CKS2: variants seen among roughly 807,000 people sequenced by gnomAD.
The protein encoded by CKS2 is cyclin-dependent kinases regulatory subunit 2.
Under a neutral mutation model 14.3 loss-of-function variants are expected in CKS2, and 4 were observed. That is an observed-to-expected ratio of 0.28 (90% CI 0.14 to 0.64). The LOEUF is 0.64. CKS2 is among the 30% of genes least tolerant of loss of function. The pLI, the probability that CKS2 is intolerant of heterozygous loss-of-function variation, is 0.83. For missense variants in CKS2, 71 were observed against 94.3 expected (o/e 0.75, Z 1.02); for synonymous variants, 33 against 28.7 (o/e 1.15, Z -0.48).
chr9:89,311,864 G>A (rs1824616275), intron 1 of CKS2, among the ~76,000 whole-genome samples: 1 of 152,180 alleles, frequency 6.6e-6, no homozygotes, highest in Admixed American at 6.5e-5. Flanking sequence ...TTGTGGTTTA[G>A]AATGGTCAAA....
intron 1 of CKS2, among the ~76,000 whole-genome samples, chr9:89,311,845 T>C (rs1824615990): frequency 6.6e-6 from 1 of 152,182 alleles, no homozygotes; most frequent in Non-Finnish European, 1.5e-5. Context: ...TGATGCAGCT[T>C]TTACTAGTTT....
intron 1 of CKS2, among the ~76,000 whole-genome samples, chr9:89,313,541 A>G (rs1824656654): frequency 6.6e-6 from 1 of 152,262 alleles, no homozygotes; most frequent in South Asian, 2.1e-4. Context: ...AAATACAGGT[A>G]GAATCCTCAT....
intron 1 of CKS2, among the ~76,000 whole-genome samples, chr9:89,313,915 T>C (rs1386749402): frequency 1.3e-5 from 2 of 152,252 alleles, no homozygotes; most frequent in African/African-American, 4.8e-5. Flanking sequence ...TAAGGCAATC[T>C]AACAACACAG....
intron 1 of CKS2, 85 bp downstream of exon 1, chr9:89,311,436 GTGGGGGCCGGGGCC>G (rs1482781369): frequency 1.9e-6 from 2 of 1,073,596 alleles, no homozygotes; most frequent in Admixed American, 3.4e-5. Flanking sequence ...AGGGTCGGGG[GTGGGGGCCGGGGCC>G]TGGGGGGCGG....
At chr9:89,313,372 T>C (rs2131462962) in intron 1 of CKS2, among the ~76,000 whole-genome samples, 1 of 152,348 alleles carries the variant, frequency 6.6e-6, no homozygotes, top group East Asian at 1.9e-4. Flanking sequence ...CACCCCCACA[T>C]CATGGAAGTC....
rs984625657 is a variant in CKS2 at position 89,311,338 on chromosome 9, C to T, written c.46C>T (p.His16Tyr). ...IYYSDKYFDE[H>Y]YEYRHVMLPR... The stretch of plus-strand genomic sequence containing the variant: ...CTACTCGGACAAGTACTTCGACGAA[C>T]ACTACGAGTACCGGTGGGCGCCTTT... Residue 16 changes from histidine to tyrosine, a missense_variant, in exon 1 of 3, where the codon CAC (histidine) becomes TAC (tyrosine). Coordinates refer to ENST00000314355, the MANE Select transcript of CKS2 (RefSeq NM_001827.3). 5.0e-6 allele frequency: 8 copies of T among 1,610,372 alleles called. No individual in the cohort carries two copies. The highest frequency in any genetic ancestry group is 6.8e-6 in the Non-Finnish European group (8 of 1,178,732).
intron 2 of CKS2, 56 bp downstream of exon 2, chr9:89,315,353 G>A: frequency 7.1e-7 from 1 of 1,401,476 alleles, no homozygotes; most frequent in Non-Finnish European, 9.4e-7. Flanking sequence ...GGTGGTTATG[G>A]TTGTCAAAAT....
Position 89,316,645 on chromosome 9 carries a change from C to T in CKS2, c.*220C>T, listed in dbSNP as rs1000015045. ...TCCAGTCAGTTTTTCTCTTAAGTGCCTGTTTGAGTTTACTGAAACAGTTTA... is the reference window on the plus strand; with the variant it reads ...TCCAGTCAGTTTTTCTCTTAAGTGCTTGTTTGAGTTTACTGAAACAGTTTA... On this transcript the variant is annotated 3_prime_UTR_variant, in exon 3 of 3. Transcript: ENST00000314355. 6 of 402,924 alleles carry T rather than the reference C, an allele frequency of 1.5e-5. No homozygotes were observed. Among genetic ancestry groups the T allele is most frequent in the African/African-American group, 1.2e-4 (6 of 48,620 alleles). 25.0% of individuals were successfully genotyped at this position (402,924 alleles called of 1,614,324 possible). A position where few individuals can be genotyped will look rare whatever the true frequency, so the allele number is the denominator to read the frequency against.
intron 2 of CKS2, 112 bp from the exon 3 acceptor site, chr9:89,316,261 A>G (rs562929606): frequency 1.8e-4 from 130 of 714,270 alleles, no homozygotes; most frequent in Non-Finnish European, 2.8e-4. Context: ...CCTCAAACCA[A>G]TTAATAGTGG....
chr9:89,314,104 T>C (rs1022720402), intron 1 of CKS2, among the ~76,000 whole-genome samples: 3 of 152,234 alleles, frequency 2.0e-5, no homozygotes, highest in Non-Finnish European at 2.9e-5. Flanking sequence ...CAGACAGATA[T>C]CTTATACTGG....
chr9:89,314,692 T>C (rs1255793605), intron 1 of CKS2, among the ~76,000 whole-genome samples: 1 of 152,196 alleles, frequency 6.6e-6, no homozygotes, highest in Admixed American at 6.5e-5. Context: ...TCCTTACCTC[T>C]TGTTGCTTTA....
At chr9:89,316,064 G>A (rs1169292990) in intron 2 of CKS2, among the ~76,000 whole-genome samples, 4 of 152,150 alleles carry the variant, frequency 2.6e-5, no homozygotes, top group African/African-American at 9.7e-5. Context: ...TAATACAAAA[G>A]CAACTGAAGA....
At chr9:89,312,954 C>T (rs1213774741) in intron 1 of CKS2, among the ~76,000 whole-genome samples, 1 of 152,134 alleles carries the variant, frequency 6.6e-6, no homozygotes, top group Non-Finnish European at 1.5e-5. Flanking sequence ...AGACTTCTTT[C>T]TGATGGCAGT....
chr9:89,314,856 T>C (rs749012929), intron 1 of CKS2, among the ~76,000 whole-genome samples: 11 of 152,232 alleles, frequency 7.2e-5, no homozygotes, highest in Non-Finnish European at 1.2e-4. Context: ...TTTTCTTATA[T>C]CTTGTTGGCT....
chr9:89,311,455 G>T, intron 1 of CKS2, 104 bp downstream of exon 1: 1 of 804,732 alleles, frequency 1.2e-6, no homozygotes, highest in Non-Finnish European at 1.8e-6. Context: ...GGGGCCTGGG[G>T]GGCGGAGCCC....
Position 89,312,462 on chromosome 9 carries a change from C to T in CKS2, c.59+1111C>T, listed in dbSNP as rs573697833. Among the ~76,000 whole-genome samples, 68 of 152,222 alleles carry T rather than the reference C, an allele frequency of 4.5e-4. No individual in the cohort carries two copies. In the Middle Eastern group the frequency reaches 0.01, roughly 23 times the overall value. On this transcript the variant is annotated intron_variant, in intron 1 of 2. Transcript: ENST00000314355. ...CATGCCATCGTTGGCCAAATTGTGA[C>T]CTTGTTTTCTGTCTGCTGCCTTTGT...
intron 1 of CKS2, among the ~76,000 whole-genome samples, chr9:89,314,510 A>G (rs1177612202): frequency 1.3e-5 from 2 of 152,234 alleles, no homozygotes; most frequent in African/African-American, 2.4e-5. Context: ...TTTTGAACAA[A>G]GTACTTGAAG....
chr9:89,311,538 T>G (rs1474610269), intron 1 of CKS2, among the ~76,000 whole-genome samples, 187 bp downstream of exon 1: 3 of 152,032 alleles, frequency 2.0e-5, no homozygotes. Flanking sequence ...CATGGTTGGG[T>G]GCCTGGCCGC....
chr9:89,315,533 T>TA lies in CKS2; in HGVS notation c.187+255dup, dbSNP rs3080706. Among the ~76,000 whole-genome samples, 362 of 132,476 alleles carry TA rather than the reference T, an allele frequency of 2.7e-3. 2 individuals are homozygous for TA. The highest frequency in any genetic ancestry group is 6.4e-3 in the East Asian group (30 of 4,654). 86.9% of individuals were successfully genotyped at this position (132,476 alleles called of 152,430 possible). On this transcript the variant is annotated intron_variant, in intron 2 of 2. Coordinates refer to ENST00000314355, the MANE Select transcript of CKS2 (RefSeq NM_001827.3). ...TCTACTTGGAAAATAATGTAAGAAGTAAAAAAAAAAAAAAAAAAATGTATT... is the reference window on the plus strand; with the variant it reads ...TCTACTTGGAAAATAATGTAAGAAGTAAAAAAAAAAAAAAAAAAAATGTATT...
Sources: allele counts gnomAD v4.1 joint callset (sites outside exome capture counted in the v4.1 genomes callset), GRCh38; gene constraint gnomAD v4.1.1; transcripts MANE v1.5; gene names NCBI Gene and HGNC (gene_info 2026-07-23, HGNC 2026-07-21).